Variants in ST3GAL1 observed in about 807,000 individuals in gnomAD.
ST3GAL1 encodes the protein CMP-N-acetylneuraminate-beta-galactosamide-alpha-2,3-sialyltransferase 1.
ST3GAL1 carries 16 observed loss-of-function variants against 34.1 expected under a neutral mutation model. That is an observed-to-expected ratio of 0.47 (90% CI 0.32 to 0.71). ST3GAL1 has a LOEUF of 0.71. ST3GAL1 is among the 30% of genes least tolerant of loss of function. The probability of loss-of-function intolerance (pLI) is 0.04; values close to 1 mark genes in which losing one functional copy is unlikely to be tolerated. For missense variants in ST3GAL1, 353 were observed against 447.4 expected, an observed-to-expected ratio of 0.79 and a Z score of 1.90; for synonymous variants, 191 against 184.7, an observed-to-expected ratio of 1.03 and a Z score of -0.28.
chr8:133,495,448 C>T (rs149479632), intron 3 of ST3GAL1, among the ~76,000 whole-genome samples: 92 of 152,324 alleles, frequency 6.0e-4, no homozygotes, highest in African/African-American at 2.0e-3. Flanking sequence ...TTGCAATTTA[C>T]CCAATTTCGC....
chr8:133,523,289 C>T (rs1817865672), intron 2 of ST3GAL1, among the ~76,000 whole-genome samples: 1 of 152,128 alleles, frequency 6.6e-6, no homozygotes, highest in Non-Finnish European at 1.5e-5. Context: ...GACACTGCCA[C>T]ACCCCCATGC....
chr8:133,540,758 TATAGACATATATATATAG>T lies in ST3GAL1; in HGVS notation c.-429+4998_-429+5015del, dbSNP rs758000188. Among the ~76,000 whole-genome samples, 427 of 70,140 alleles carry T rather than the reference TATAGACATATATATATAG, an allele frequency of 6.1e-3. 5 individuals are homozygous for T. The highest frequency in any genetic ancestry group is 8.8e-3 in the Admixed American group (59 of 6,730). 46.0% of individuals were successfully genotyped at this position (70,140 alleles called of 152,430 possible). A position where few individuals can be genotyped will look rare whatever the true frequency, so the allele number is the denominator to read the frequency against. ...ATATATATATAGACATATATATATA[TATAGACATATATATATAG>T]AGACATATATATATATAGACATATA... On this transcript the variant is annotated intron_variant, in intron 2 of 9. Coordinates refer to ENST00000522652, the MANE Select transcript of ST3GAL1 (RefSeq NM_173344.3).
At chr8:133,487,510 TTTAC>T (rs1437356860) in intron 3 of ST3GAL1, among the ~76,000 whole-genome samples, 1 of 152,208 alleles carries the variant, frequency 6.6e-6, no homozygotes, top group Non-Finnish European at 1.5e-5. Flanking sequence ...ATGCAGACCC[TTTAC>T]ATACAGCATC....
rs752514194 is a variant in ST3GAL1, at chr8:133,466,691, C to A, written c.307-601G>T. On this transcript the variant is annotated intron_variant, in intron 5 of 9. Transcript: ENST00000522652. The surrounding 1 kb of genome is among the most constrained non-coding windows in gnomAD (Gnocchi z 4.4). ...GACATCTGCCATCTTTCCTGCCTGA[C>A]CCTCAGTTCCCCCGGCCCCAGCACT... Among the ~76,000 whole-genome samples, 3 of 152,204 alleles carry A rather than the reference C, an allele frequency of 2.0e-5. No homozygotes were observed. Among genetic ancestry groups the A allele is most frequent in the Non-Finnish European group, 4.4e-5 (3 of 68,040 alleles).
chr8:133,534,624 G>A (rs569741937), intron 2 of ST3GAL1, among the ~76,000 whole-genome samples: 133 of 152,220 alleles, frequency 8.7e-4, no homozygotes, highest in Non-Finnish European at 9.4e-4. Flanking sequence ...AGGACCAGGA[G>A]CCCACAGACA....
intron 2 of ST3GAL1, among the ~76,000 whole-genome samples, chr8:133,531,248 A>G (rs567046547): frequency 3.3e-5 from 5 of 152,200 alleles, no homozygotes; most frequent in Non-Finnish European, 4.4e-5. Context: ...ACATGACTAT[A>G]TAGTACACAC....
intron 2 of ST3GAL1, among the ~76,000 whole-genome samples, chr8:133,504,807 GAA>G (rs1483021346): frequency 6.6e-6 from 1 of 152,212 alleles, no homozygotes; most frequent in Non-Finnish European, 1.5e-5. Context: ...TGACAAGGCA[GAA>G]GAGAAAAGGA....
rs762658592 is a variant in ST3GAL1, at chr8:133,532,862, G to T, written c.-429+12912C>A. ...GGACAGCCACATGCTCCTCCCCAGC[G>T]TGGAGGGGGTGATAGTTTGGGGACG... is the stretch of plus-strand genomic sequence containing the variant. On this transcript the variant is annotated intron_variant, in intron 2 of 9. Transcript: ENST00000522652. Among the ~76,000 whole-genome samples the T allele has an allele frequency of 5.9e-5, 9 of 152,218 alleles. No individual in the cohort carries two copies. In the South Asian group the frequency reaches 8.3e-4, roughly 14 times the overall value.
At chr8:133,557,924 AG>A (rs1450115207) in intron 1 of ST3GAL1, among the ~76,000 whole-genome samples, 4 of 149,886 alleles carry the variant, frequency 2.7e-5, no homozygotes, top group South Asian at 4.2e-4. Context: ...AAAAAAAAAA[AG>A]AGGCCAGTGT....
chr8:133,474,507 AC>A (rs1816082091), intron 5 of ST3GAL1, among the ~76,000 whole-genome samples: 1 of 152,206 alleles, frequency 6.6e-6, no homozygotes, highest in Non-Finnish European at 1.5e-5. Flanking sequence ...AAACCCCCTG[AC>A]AAAAATTCTA....
At chr8:133,562,850 C>CA (rs1819283902) in intron 1 of ST3GAL1, among the ~76,000 whole-genome samples, 2 of 106,336 alleles carry the variant, frequency 1.9e-5, no homozygotes, top group Non-Finnish European at 3.6e-5. Flanking sequence ...TCCTTTCTTT[C>CA]TTTTTTTTTT....
chr8:133,526,334 G>C (rs1424252510), intron 2 of ST3GAL1, among the ~76,000 whole-genome samples: 2 of 152,160 alleles, frequency 1.3e-5, no homozygotes, highest in Non-Finnish European at 2.9e-5. Flanking sequence ...GGCTCCTGCA[G>C]ATAATTCTAC....
At chr8:133,470,194 T>C (rs3779923) in intron 5 of ST3GAL1, among the ~76,000 whole-genome samples, 12,651 of 152,180 alleles carry the variant, frequency 0.083, 577 homozygotes, top group Admixed American at 0.16. Flanking sequence ...CCAAGGCGGG[T>C]GGGTCACCTG....
chr8:133,557,540 T>C (rs971747424), intron 1 of ST3GAL1, among the ~76,000 whole-genome samples: 19 of 152,170 alleles, frequency 1.2e-4, no homozygotes, highest in African/African-American at 4.6e-4. Context: ...AGGCCCTGTC[T>C]GTGCTGTCCT....
intron 1 of ST3GAL1, among the ~76,000 whole-genome samples, chr8:133,546,828 A>G (rs931260477): frequency 2.0e-5 from 3 of 151,970 alleles, no homozygotes; most frequent in African/African-American, 4.8e-5. Flanking sequence ...GTGAAATCTC[A>G]TCTCTACTAA....
chr8:133,459,900 T>C lies in ST3GAL1; in HGVS notation c.887A>G (p.Asn296Ser). Residue 296 changes from asparagine (N) to serine (S), a missense_variant, in exon 10 of 10, where the codon AAC becomes AGC. Asn to Ser is a conservative substitution (Grantham distance 46). Transcript: ENST00000522652. This position sits in a 1 kb window ranked among gnomAD's most constrained non-coding sequence, Gnocchi z 4.7. ...LYGFGADSKG[N>S]WHHYWENNPS... ...GTTGTTCTCCCAGTAGTGGTGCCAG[T>C]TCCCTTTGCTGTCTGCCCCGAAGCC... is the stretch of plus-strand genomic sequence containing the variant. 6.2e-7 allele frequency: 1 copy of C among 1,613,934 alleles called. No homozygotes were observed. The highest frequency in any genetic ancestry group is 8.5e-7 in the Non-Finnish European group (1 of 1,179,894).
rs753740508 is a variant in ST3GAL1, at chr8:133,522,809, A to G, written c.-429+22965T>C. On this transcript the variant is annotated intron_variant, in intron 2 of 9. Coordinates refer to ENST00000522652, the MANE Select transcript of ST3GAL1 (RefSeq NM_173344.3). ...TAATTACTGTCGTTATTTTGCCACC[A>G]CTATCCTCCCTGGAGTACAATCCTT... 4.1e-4 allele frequency among the ~76,000 whole-genome samples: 63 copies of G among 152,206 alleles called. 1 individual carries two copies. Among genetic ancestry groups the G allele is most frequent in the Middle Eastern group, 3.4e-3 (1 of 294 alleles).
intron 1 of ST3GAL1, among the ~76,000 whole-genome samples, chr8:133,565,352 G>A (rs1455857176): frequency 3.9e-5 from 6 of 152,150 alleles, no homozygotes; most frequent in Admixed American, 2.0e-4. Flanking sequence ...GGGTTGATCC[G>A]CCTGGCTCCT....
At chr8:133,549,571 T>C (rs538559748) in intron 1 of ST3GAL1, among the ~76,000 whole-genome samples, 16 of 152,302 alleles carry the variant, frequency 1.1e-4, no homozygotes, top group Admixed American at 9.8e-4. Flanking sequence ...GAACCAATTC[T>C]TTCATTGGTC....
Sources: gnomAD v4.1 joint callset for allele counts (sites outside exome capture counted in the v4.1 genomes callset) on GRCh38, gnomAD v4.1.1 for gene constraint, Gnocchi (gnomAD v3.1) non-coding constraint, MANE v1.5 for transcripts, NCBI Gene and HGNC (gene_info 2026-07-23, HGNC 2026-07-21) for gene names.